OR8B3: variants seen among roughly 807,000 people sequenced by gnomAD.
The protein encoded by OR8B3 is olfactory receptor 8B3.
For synonymous variants in OR8B3, 102 were observed against 135.4 expected (o/e 0.75, Z 1.71); for missense variants, 278 against 377.6 (o/e 0.74, Z 2.19).
upstream of OR8B3, among the ~76,000 whole-genome samples, chr11:124,403,355 A>G: frequency 1.3e-5 from 2 of 151,916 alleles, 1 homozygote; most frequent in South Asian, 4.2e-4. Context: ...CACCTCCCAG[A>G]CGGGGCGGCT....
chr11:124,403,649 G>A (rs1280091939), upstream of OR8B3, among the ~76,000 whole-genome samples: 1 of 152,010 alleles, frequency 6.6e-6, no homozygotes, highest in African/African-American at 2.4e-5. Context: ...GGGCAGAGGG[G>A]CTCCTCACAT....
At position 124,396,504 on chromosome 11, in the gene OR8B3, A is replaced by G. The variant is rs775823453; in HGVS notation, c.848T>C (p.Met283Thr). 23 of 1,614,042 alleles carry G rather than the reference A, an allele frequency of 1.4e-5. No homozygotes were observed. The East Asian group carries it at 3.6e-4, about 25-fold the overall frequency. Residue 283 changes from methionine to threonine, a missense_variant, in exon 2 of 2, where the codon ATG (methionine) becomes ACG (threonine). By Grantham distance (81) the Met-to-Thr change is moderately conservative (BLOSUM62 -1). Coordinates refer to ENST00000641139, the MANE Select transcript of OR8B3 (RefSeq NM_001005467.2). The stretch of plus-strand genomic sequence containing the variant: ...CAAACTGTAGATGAGAGGATTGAGC[A>G]TGGGCACCACATTAGTGTAGAAAAC... ...SSVFYTNVVP[M>T]LNPLIYSLRN... is the part of the protein sequence containing the mutation.
rs1293462070 is a variant in OR8B3 at position 124,397,074 on chromosome 11, G to T, written c.278C>A (p.Ser93Tyr). The change falls in exon 2 of 2, where the codon TCC (serine) becomes TAC (tyrosine). Residue 93 changes from serine to tyrosine, a missense_variant. Physicochemically the swap from Ser to Tyr is moderately radical, Grantham distance 144. Transcript: ENST00000641139. ...CAGCTGAGTCATGCACCCAACATAGGAGATAATATTCTTTTTTGATACAAA... is the reference window on the plus strand; with the variant it reads ...CAGCTGAGTCATGCACCCAACATAGTAGATAATATTCTTTTTTGATACAAA... ...MNFVSKKNII[S>Y]YVGCMTQLFF... The T allele has an allele frequency of 1.9e-6, 3 of 1,613,906 alleles. No homozygotes were observed. The South Asian group carries it at 3.3e-5, about 18-fold the overall frequency.
At position 124,396,645 on chromosome 11, in the gene OR8B3, T is replaced by A. The variant is rs751805111; in HGVS notation, c.707A>T (p.Lys236Ile). Residue 236 changes from lysine (K) to isoleucine (I), a missense_variant, in exon 2 of 2, where the codon AAA becomes ATA. Lys to Ile is a moderately radical substitution (Grantham distance 102, BLOSUM62 -3). Transcript: ENST00000641139. ...LHIKSTQGRS[K>I]AFSTCSSHVI... ...ATGAGAGCTACAAGTACTGAAGGCTTTTGATCTTCCTTGAGTGGATTTGAT... is the reference window on the plus strand; with the variant it reads ...ATGAGAGCTACAAGTACTGAAGGCTATTGATCTTCCTTGAGTGGATTTGAT... 1.2e-6 allele frequency: 2 copies of A among 1,611,620 alleles called. No individual in the cohort carries two copies. The highest frequency in any genetic ancestry group is 2.2e-5 in the South Asian group (2 of 90,514).
upstream of OR8B3, among the ~76,000 whole-genome samples, chr11:124,402,297 T>C (rs1159105614): frequency 6.6e-6 from 1 of 152,260 alleles, no homozygotes; most frequent in Non-Finnish European, 1.5e-5. Flanking sequence ...GTTTTAAAAA[T>C]GCTTCACATT....
Position 124,396,726 on chromosome 11 carries a change from A to G in OR8B3, c.626T>C (p.Val209Ala), listed in dbSNP as rs370206362. 4 of 1,613,852 alleles carry G rather than the reference A, an allele frequency of 2.5e-6. No homozygotes were observed. The African/African-American group carries it at 4.0e-5, about 16-fold the overall frequency. ...VLIVVGINIM[V>A]PSCTILISYV... ...AGAAATGAGGATGGTACAACTGGGT[A>G]CCATGATATTAATACCCACAACAAT... is the stretch of plus-strand genomic sequence containing the variant. Residue 209 changes from valine (V) to alanine (A), a missense_variant, in exon 2 of 2, where the codon GTA becomes GCA. Transcript: ENST00000641139.
chr11:124,400,177 A>G (rs1860968919), upstream of OR8B3, among the ~76,000 whole-genome samples: 3 of 152,158 alleles, frequency 2.0e-5, no homozygotes, highest in Admixed American at 6.5e-5. Context: ...ATCCATCTTA[A>G]AAGAGATGTA....
At chr11:124,402,017 A>C (rs908472791), upstream of OR8B3, among the ~76,000 whole-genome samples, 3 of 152,184 alleles carry the variant, frequency 2.0e-5, no homozygotes, top group Non-Finnish European at 2.9e-5. Context: ...TGAGTACCTG[A>C]CTTGGCCAAC....
the OR8B3 span, among the ~76,000 whole-genome samples, chr11:124,407,068 T>C: frequency 6.6e-6 from 1 of 152,140 alleles, no homozygotes; most frequent in Non-Finnish European, 1.5e-5. Flanking sequence ...TCTCCATTTG[T>C]ATATATCTTT....
chr11:124,399,094 A>G (rs150517982), upstream of OR8B3: 11 of 152,246 alleles, frequency 7.2e-5, no homozygotes, highest in East Asian at 2.1e-3. Flanking sequence ...TTTACAGCCT[A>G]ATTTGTTGTA....
the OR8B3 span, among the ~76,000 whole-genome samples, chr11:124,408,444 G>C: frequency 6.6e-6 from 1 of 152,136 alleles, no homozygotes; most frequent in South Asian, 2.1e-4. Flanking sequence ...ATTCTCTCCT[G>C]TCCTATTTTT....
chr11:124,399,885 CT>C (rs35671436), upstream of OR8B3, among the ~76,000 whole-genome samples: 86,011 of 141,682 alleles, frequency 0.61, 25,873 homozygotes, highest in East Asian at 0.68. Context: ...ACAGAATTCT[CT>C]TTTTTTTTTT....
At chr11:124,406,881 T>C in the OR8B3 span, among the ~76,000 whole-genome samples, 2 of 152,108 alleles carry the variant, frequency 1.3e-5, no homozygotes, top group Non-Finnish European at 2.9e-5. Flanking sequence ...TTTGGTTAGA[T>C]AAATATTCAG....
the OR8B3 span, among the ~76,000 whole-genome samples, chr11:124,405,765 A>G: frequency 6.6e-6 from 1 of 152,234 alleles, no homozygotes; most frequent in Non-Finnish European, 1.5e-5. Context: ...AGTGATTCAA[A>G]GCCCAGAGAA....
rs756386455 is a variant in OR8B3, at chr11:124,396,838, T to C, written c.514A>G (p.Asn172Asp). 1.2e-6 allele frequency: 2 copies of C among 1,610,770 alleles called. No individual in the cohort carries two copies. Among genetic ancestry groups the C allele is most frequent in the South Asian group, 2.2e-5 (2 of 90,870 alleles). The change falls in exon 2 of 2, where the codon AAT (asparagine) becomes GAT (aspartate). Residue 172 changes from asparagine to aspartate, a missense_variant. Physicochemically the swap from Asn to Asp is conservative, Grantham distance 23. Coordinates refer to ENST00000641139, the MANE Select transcript of OR8B3 (RefSeq NM_001005467.2). ...CMLRLTFCSA[N>D]IINHYLCDIL... The stretch of plus-strand genomic sequence containing the variant: ...TCACACAAGTAATGGTTGATGATAT[T>C]AGCACTGCAGAAGGTGAGTCTAAGC...
chr11:124,405,204 A>G, the OR8B3 span: 6 of 152,164 alleles, frequency 3.9e-5, no homozygotes, highest in South Asian at 2.1e-4. Flanking sequence ...CTGGATTGTC[A>G]GCTCAGGGTT....
chr11:124,396,881 C>T lies in OR8B3; in HGVS notation c.471G>A (p.Thr157=), dbSNP rs1369912374. The part of the protein sequence containing the change: ...AAYIMGLAGA[T]AHTGCMLRLT... ...GTCTAAGCATGCACCCGGTGTGGGC[C>T]GTGGCTCCAGCCAATCCCATTATGT... The change falls in exon 2 of 2, where the codon ACG becomes ACA. Residue 157 remains threonine (T), a synonymous_variant. Coordinates refer to ENST00000641139, the MANE Select transcript of OR8B3 (RefSeq NM_001005467.2). 40 of 1,605,660 alleles carry T rather than the reference C, an allele frequency of 2.5e-5. No individual in the cohort carries two copies. The highest frequency in any genetic ancestry group is 2.1e-4 in the Admixed American group (12 of 58,534).
the OR8B3 span, chr11:124,404,307 G>C: frequency 6.6e-6 from 1 of 152,106 alleles, no homozygotes; most frequent in Admixed American, 6.5e-5. Flanking sequence ...GCACACATAG[G>C]TAAGCTCATT....
the OR8B3 span, among the ~76,000 whole-genome samples, chr11:124,406,791 C>T: frequency 4.5e-5 from 6 of 132,002 alleles, no homozygotes; most frequent in Non-Finnish European, 7.8e-5. Flanking sequence ...ACCTCCTTCT[C>T]ACCACACACA....
Sources: gnomAD v4.1 joint callset for allele counts (sites outside exome capture counted in the v4.1 genomes callset) on GRCh38, gnomAD v4.1.1 for gene constraint, MANE v1.5 for transcripts, NCBI Gene and HGNC (gene_info 2026-07-23, HGNC 2026-07-21) for gene names.